The following OCIAD1 variants were observed in gnomAD, a reference collection of about 807,000 sequenced individuals.
OCIAD1 encodes the protein OCIA domain containing 1.
A neutral mutation model predicts 38.9 loss-of-function variants in OCIAD1; 29 were observed. That is an observed-to-expected ratio of 0.74 (90% CI 0.55 to 1.02). OCIAD1 has a LOEUF of 1.02. Ranked by LOEUF, OCIAD1 falls within the 50% of genes least tolerant of loss-of-function variation. The pLI, the probability that OCIAD1 is intolerant of heterozygous loss-of-function variation, is 0.00. For missense variants in OCIAD1, 288 were observed against 289.6 expected, an observed-to-expected ratio of 0.99 and a Z score of 0.04; for synonymous variants, 110 against 92.0, an observed-to-expected ratio of 1.20 and a Z score of -1.12.
At chr4:48,847,447 A>G (rs1177887022) in intron 4 of OCIAD1, among the ~76,000 whole-genome samples, 2 of 152,144 alleles carry the variant, frequency 1.3e-5, no homozygotes, top group Admixed American at 1.3e-4. Flanking sequence ...CTTCTTTCTA[A>G]TAGGTGCTTT....
At chr4:48,845,489 T>A (rs1778903532) in intron 4 of OCIAD1, among the ~76,000 whole-genome samples, 1 of 152,242 alleles carries the variant, frequency 6.6e-6, no homozygotes, top group African/African-American at 2.4e-5. Flanking sequence ...CTCAGGCGAT[T>A]CCTCTGTTTC....
rs141763185 is a variant in OCIAD1 at position 48,851,886 on chromosome 4, T to C, written c.458T>C (p.Ile153Thr). The change falls in exon 7 of 9, where the codon ATA (isoleucine) becomes ACA (threonine). Residue 153 changes from isoleucine to threonine, a missense_variant. By Grantham distance (89) the Ile-to-Thr change is moderately conservative. Coordinates refer to ENST00000264312, the MANE Select transcript of OCIAD1 (RefSeq NM_017830.4). Reference sequence around the variant, plus strand: ...GTGACATCCCCAGCAGCAGACAACATAGAAATGCTTCCTCATTATGAGCCA... The same window carrying C: ...GTGACATCCCCAGCAGCAGACAACACAGAAATGCTTCCTCATTATGAGCCA... ...SFVTSPAADNIEMLPHYEPIP... is the reference protein window; with the variant it reads ...SFVTSPAADNTEMLPHYEPIP... The C allele has an allele frequency of 3.1e-5, 50 of 1,613,222 alleles. No individual in the cohort carries two copies. The highest frequency in any genetic ancestry group is 4.0e-5 in the Non-Finnish European group (47 of 1,179,264).
intron 3 of OCIAD1, among the ~76,000 whole-genome samples, chr4:48,834,599 G>C (rs1777812433): frequency 6.6e-6 from 1 of 152,156 alleles, no homozygotes; most frequent in Non-Finnish European, 1.5e-5. Flanking sequence ...GAGGGGCCTT[G>C]TCTCTACCAA....
chr4:48,812,944 A>G (rs1053373430), intron 1 of OCIAD1, among the ~76,000 whole-genome samples: 1 of 152,204 alleles, frequency 6.6e-6, no homozygotes, highest in African/African-American at 2.4e-5. Context: ...GAGTAGGTGA[A>G]TACCTTGAGT....
chr4:48,807,683 T>C (rs1777042920), intron 1 of OCIAD1, among the ~76,000 whole-genome samples: 1 of 152,152 alleles, frequency 6.6e-6, no homozygotes, highest in Non-Finnish European at 1.5e-5. Context: ...CCAAGCAAAA[T>C]CAACTGAGAG....
chr4:48,815,178 T>G (rs1163675079), intron 1 of OCIAD1, among the ~76,000 whole-genome samples: 1 of 152,100 alleles, frequency 6.6e-6, no homozygotes, highest in Non-Finnish European at 1.5e-5. Flanking sequence ...CCGGATGTGG[T>G]GGTGTGCACC....
intron 4 of OCIAD1, among the ~76,000 whole-genome samples, chr4:48,843,313 T>G (rs1271532308): frequency 6.6e-6 from 1 of 152,200 alleles, no homozygotes; most frequent in Non-Finnish European, 1.5e-5. Context: ...GAGTAAGCAG[T>G]AGAGTTGCTT....
chr4:48,857,513 C>A, intron 8 of OCIAD1, 148 bp downstream of exon 8: 7 of 439,102 alleles, frequency 1.6e-5, no homozygotes, highest in African/African-American at 2.1e-5. Context: ...TAGTACTTTA[C>A]AGTTATCAGT....
chr4:48,832,543 T>C, intron 1 of OCIAD1, 77 bp from the exon 2 acceptor site: 1 of 1,049,788 alleles, frequency 9.5e-7, no homozygotes, highest in South Asian at 1.3e-5. Context: ...GTAGTTTTAC[T>C]ATATCATACG....
intron 6 of OCIAD1, among the ~76,000 whole-genome samples, chr4:48,851,513 C>T (rs1560436078): frequency 6.6e-6 from 1 of 151,810 alleles, no homozygotes; most frequent in East Asian, 1.9e-4. Context: ...TATAGTGAGA[C>T]CTCATCTCTA....
intron 1 of OCIAD1, among the ~76,000 whole-genome samples, chr4:48,820,259 G>A (rs577118621): frequency 9.2e-5 from 14 of 152,210 alleles, no homozygotes; most frequent in Middle Eastern, 6.8e-3. Context: ...ACTCAAATCC[G>A]CACAACTACA....
intron 4 of OCIAD1, among the ~76,000 whole-genome samples, chr4:48,845,124 G>A (rs963716373): frequency 6.6e-6 from 1 of 151,888 alleles, no homozygotes; most frequent in Non-Finnish European, 1.5e-5. Flanking sequence ...AACATGCTCA[G>A]GTCTCCTCTA....
chr4:48,859,755 A>G (rs1013991787), intron 8 of OCIAD1, among the ~76,000 whole-genome samples: 3 of 152,100 alleles, frequency 2.0e-5, no homozygotes, highest in African/African-American at 7.2e-5. Context: ...ACATGGTCAG[A>G]AAGTGTCACT....
intron 7 of OCIAD1, 89 bp downstream of exon 7, chr4:48,852,064 C>A: frequency 2.3e-6 from 2 of 881,514 alleles, no homozygotes; most frequent in Non-Finnish European, 3.5e-6. Flanking sequence ...CTGGATATCA[C>A]CTGTGTGTTC....
chr4:48,838,965 C>G (rs1000882908), intron 3 of OCIAD1, among the ~76,000 whole-genome samples: 5 of 152,176 alleles, frequency 3.3e-5, no homozygotes, highest in Admixed American at 1.3e-4. Flanking sequence ...CCCAAACACA[C>G]AGGTAGTGAA....
chr4:48,848,620 T>TA (rs1429338722), intron 5 of OCIAD1, 174 bp downstream of exon 5: 2 of 404,900 alleles, frequency 4.9e-6, no homozygotes, highest in African/African-American at 2.1e-5. Context: ...ATTGTTAGCA[T>TA]AAAAAATCAT....
At chr4:48,827,505 T>C (rs963318954), upstream of OCIAD1, among the ~76,000 whole-genome samples, 4 of 152,260 alleles carry the variant, frequency 2.6e-5, no homozygotes, top group Non-Finnish European at 5.9e-5. Context: ...GTGTATCGAC[T>C]TCCCGCAAGT....
intron 1 of OCIAD1, among the ~76,000 whole-genome samples, chr4:48,820,237 A>G (rs558566802): frequency 5.0e-4 from 76 of 152,376 alleles, no homozygotes; most frequent in African/African-American, 1.8e-3. Context: ...AGAACTCAGG[A>G]TTAAGAAAGT....
At chr4:48,814,103 T>A (rs1044646359) in intron 1 of OCIAD1, among the ~76,000 whole-genome samples, 1 of 152,146 alleles carries the variant, frequency 6.6e-6, no homozygotes, top group Non-Finnish European at 1.5e-5. Flanking sequence ...CAGCTCTTAG[T>A]GTGTTCTATA....
Sources: gnomAD v4.1 joint callset for allele counts (sites outside exome capture counted in the v4.1 genomes callset) on GRCh38, gnomAD v4.1.1 for gene constraint, MANE v1.5 for transcripts, NCBI Gene and HGNC (gene_info 2026-07-23, HGNC 2026-07-21) for gene names.